PCLO: variants seen among roughly 807,000 people sequenced by gnomAD.
PCLO encodes the protein piccolo presynaptic cytomatrix protein.
PCLO carries 82 observed loss-of-function variants against 427.5 expected under a neutral mutation model. The ratio of observed to expected loss-of-function variants is 0.19; its 90% CI spans 0.16 to 0.23. The LOEUF (loss-of-function observed/expected upper bound fraction) is 0.23. PCLO is among the 10% of genes least tolerant of loss of function. PCLO has a pLI of 1.00. For missense variants in PCLO, 6,239 were observed against 6,115.9 expected (o/e 1.02, Z -0.67); for synonymous variants, 2,357 against 2,155.4 (o/e 1.09, Z -2.59).
chr7:82,997,414 A>G (rs1337781528), intron 3 of PCLO, among the ~76,000 whole-genome samples: 1 of 152,034 alleles, frequency 6.6e-6, no homozygotes, highest in Non-Finnish European at 1.5e-5. Flanking sequence ...CTATGTTTAC[A>G]GAAAAAAATG....
intron 22 of PCLO, among the ~76,000 whole-genome samples, chr7:82,782,923 C>G (rs960375700): frequency 6.6e-6 from 1 of 152,184 alleles, no homozygotes; most frequent in African/African-American, 2.4e-5. Context: ...AAGCTGGAAA[C>G]CACCATACTC....
At chr7:82,842,972 T>A (rs991647815) in intron 13 of PCLO, among the ~76,000 whole-genome samples, 1 of 151,986 alleles carries the variant, frequency 6.6e-6, no homozygotes, top group Non-Finnish European at 1.5e-5. Context: ...AATTGATATA[T>A]CCATAATGGA....
At chr7:82,875,618 C>CCCAAAG (rs1033718178) in intron 10 of PCLO, among the ~76,000 whole-genome samples, 68 of 152,066 alleles carry the variant, frequency 4.5e-4, no homozygotes, top group African/African-American at 1.3e-3. Flanking sequence ...CTCCTGTTTT[C>CCCAAAG]CCAAAGCCAA....
rs77721383 is a variant in PCLO at position 83,155,516 on chromosome 7, C to G, written c.1125G>C (p.Gln375His). The part of the protein sequence containing the change: ...PLGPAKPPAQ[Q>H]TGSEKPSSEQ... Reference sequence around the variant, plus strand: ...CCGATGAAGGCTTCTCTGACCCAGTCTGCTGAGCTGGAGGCTTAGCAGGAC... The same window carrying G: ...CCGATGAAGGCTTCTCTGACCCAGTGTGCTGAGCTGGAGGCTTAGCAGGAC... Residue 375 changes from glutamine to histidine, a missense_variant, in exon 2 of 25, where the codon CAG becomes CAC. By Grantham distance (24) the Gln-to-His change is conservative. Around this residue, in one of 5 missense-constraint regions of PCLO, gnomAD observed 4,677 missense variants for 4,468.4 expected, o/e 1.05. Transcript: ENST00000333891. 935 of 1,375,678 alleles carry G rather than the reference C, an allele frequency of 6.8e-4. 4 individuals are homozygous for G. Among genetic ancestry groups the G allele is most frequent in the Admixed American group, 2.5e-3 (105 of 42,248 alleles). 85.2% of individuals were successfully genotyped at this position (1,375,678 alleles called of 1,614,324 possible).
intron 2 of PCLO, among the ~76,000 whole-genome samples, chr7:83,145,979 T>G (rs767466391): frequency 6.6e-6 from 1 of 152,188 alleles, no homozygotes; most frequent in Non-Finnish European, 1.5e-5. Flanking sequence ...AAATACTTTA[T>G]AATATGAACT....
At chr7:82,889,129 A>T (rs1195669497) in intron 9 of PCLO, among the ~76,000 whole-genome samples, 1 of 152,062 alleles carries the variant, frequency 6.6e-6, no homozygotes, top group Non-Finnish European at 1.5e-5. Flanking sequence ...CTAAAAACCC[A>T]GCCTTGCACA....
intron 3 of PCLO, among the ~76,000 whole-genome samples, chr7:82,980,049 ACCACTGAGACTAACCCTAGAACATAGT>A (rs1491001881): frequency 6.6e-6 from 1 of 152,136 alleles, no homozygotes; most frequent in Non-Finnish European, 1.5e-5. Context: ...CTCTAGAAAG[ACCACTGAGACTAACCCTAGAACATAGT>A]CCATTCTGTT....
At chr7:82,808,509 G>T (rs936759733) in intron 20 of PCLO, among the ~76,000 whole-genome samples, 11 of 151,474 alleles carry the variant, frequency 7.3e-5, no homozygotes, top group Admixed American at 2.0e-4. Context: ...GAAAAGACAG[G>T]TTTTTTTTCC....
chr7:82,909,254 CA>C (rs1386757707), intron 7 of PCLO, among the ~76,000 whole-genome samples: 1 of 151,912 alleles, frequency 6.6e-6, no homozygotes, highest in Non-Finnish European at 1.5e-5. Flanking sequence ...TTCACAATCT[CA>C]GAGCAAAACA....
intron 10 of PCLO, among the ~76,000 whole-genome samples, chr7:82,850,361 T>C (rs769584537): frequency 5.9e-5 from 9 of 152,102 alleles, no homozygotes; most frequent in African/African-American, 9.7e-5. Flanking sequence ...GCTGAATATG[T>C]AGCATCGATG....
intron 3 of PCLO, among the ~76,000 whole-genome samples, chr7:83,092,109 C>T (rs948598641): frequency 2.0e-5 from 3 of 152,042 alleles, no homozygotes; most frequent in Non-Finnish European, 4.4e-5. Context: ...TAGGAAACTC[C>T]AATGGAGCAT....
rs376669023 is a variant in PCLO at position 82,824,264 on chromosome 7, G to A, written c.14568C>T (p.Ser4856=). ...TTGATGGGTCAGGGAAGATACCATG[G>A]CTTCTGCTTTTGATAACAGATGGCT... ...SPKPSVIKSR[S]HGIFPDPSKD... The change falls in exon 19 of 25, where the codon AGC becomes AGT. Residue 4856 remains serine, a synonymous_variant. Coordinates refer to ENST00000333891, the MANE Select transcript of PCLO (RefSeq NM_033026.6). 6.2e-7 allele frequency: 1 copy of A among 1,612,618 alleles called. No individual in the cohort carries two copies. Among genetic ancestry groups the A allele is most frequent in the East Asian group, 2.2e-5 (1 of 44,780 alleles).
At chr7:82,774,997 T>G (rs114036361) in intron 22 of PCLO, among the ~76,000 whole-genome samples, 1 of 152,166 alleles carries the variant, frequency 6.6e-6, no homozygotes, top group Non-Finnish European at 1.5e-5. Context: ...GAAGTAGATA[T>G]AGATTTTTTA....
intron 20 of PCLO, chr7:82,822,281 A>C (rs1162083382): frequency 7.1e-7 from 1 of 1,401,434 alleles, no homozygotes; most frequent in East Asian, 2.7e-5. Context: ...AAGGAGAAAC[A>C]GCCAGTTTTA....
chr7:82,768,088 C>T (rs1790569554), intron 22 of PCLO, among the ~76,000 whole-genome samples: 1 of 151,940 alleles, frequency 6.6e-6, no homozygotes, highest in Admixed American at 6.6e-5. Context: ...AATTTACTTA[C>T]AATTTAAAAC....
At position 82,950,476 on chromosome 7, in the gene PCLO, T is replaced by C; in HGVS notation, c.10112A>G (p.Gln3371Arg). The C allele has an allele frequency of 1.2e-6, 2 of 1,613,764 alleles. No homozygotes were observed. Among genetic ancestry groups the C allele is most frequent in the African/African-American group, 1.3e-5 (1 of 74,998 alleles). Residue 3371 changes from glutamine (Q) to arginine (R), a missense_variant, in exon 6 of 25, where the codon CAA becomes CGA. Gln to Arg is a conservative substitution (Grantham distance 43). Coordinates refer to ENST00000333891, the MANE Select transcript of PCLO (RefSeq NM_033026.6). ...AVVAIEIPQSQGWYTVQSDGV... is the reference protein window; with the variant it reads ...AVVAIEIPQSRGWYTVQSDGV... ...ATCAGACTGAACGGTGTACCATCCT[T>C]GGCTTTGTGGTATTTCAATTGCCAC...
intron 9 of PCLO, among the ~76,000 whole-genome samples, chr7:82,880,734 A>AAC (rs1264550570): frequency 6.6e-6 from 1 of 152,178 alleles, no homozygotes; most frequent in Non-Finnish European, 1.5e-5. Context: ...CAACAGAGCC[A>AAC]AGGTTGAAAA....
At chr7:83,088,981 A>AT (rs1790308874) in intron 3 of PCLO, among the ~76,000 whole-genome samples, 2 of 152,158 alleles carry the variant, frequency 1.3e-5, no homozygotes, top group Admixed American at 6.5e-5. Context: ...TCAAATCTGT[A>AT]TTATGATTTG....
chr7:82,780,526 T>A (rs990123763), intron 22 of PCLO, among the ~76,000 whole-genome samples: 1 of 151,054 alleles, frequency 6.6e-6, no homozygotes, highest in Non-Finnish European at 1.5e-5. Flanking sequence ...AAGCCTCTTG[T>A]ATGTTTTTGT....
Sources: allele counts gnomAD v4.1 joint callset (sites outside exome capture counted in the v4.1 genomes callset), GRCh38; gene constraint gnomAD v4.1.1; regional missense constraint gnomAD v4.1.1; transcripts MANE v1.5; gene names NCBI Gene and HGNC (gene_info 2026-07-23, HGNC 2026-07-21).